CP: variants seen among roughly 807,000 people sequenced by gnomAD.
The protein encoded by CP is caeruloplasmin.
In CP, 64 loss-of-function variants were observed where a neutral mutation model predicts 122.4. The observed-to-expected ratio is 0.52, with a 90% CI of 0.43 to 0.64. The LOEUF (loss-of-function observed/expected upper bound fraction) is 0.64, where lower values mean the gene tolerates loss of function less well. Ranked by LOEUF, CP falls within the 30% of genes least tolerant of loss-of-function variation. The pLI is 0.00. For missense variants in CP, 1,167 were observed against 1,284.4 expected, an observed-to-expected ratio of 0.91 and a Z score of 1.40; for synonymous variants, 440 against 436.4, an observed-to-expected ratio of 1.01 and a Z score of -0.10.
chr3:149,173,874 A>T, intron 18 of CP, 144 bp from the exon 19 acceptor site: 2 of 481,010 alleles, frequency 4.2e-6, no homozygotes, highest in Non-Finnish European at 3.8e-6. Context: ...ATGTTTAAAA[A>T]TCTCTCATTC....
chr3:149,199,221 A>T (rs2108270866), intron 8 of CP, among the ~76,000 whole-genome samples: 1 of 152,328 alleles, frequency 6.6e-6, no homozygotes, highest in Middle Eastern at 3.4e-3. Flanking sequence ...AACTCCGATT[A>T]TGAAATTAAA....
rs529893564 is a variant in CP at position 149,215,884 on chromosome 3, A to G, written c.147-3186T>C. On this transcript the variant is annotated intron_variant, in intron 1 of 18. Coordinates refer to ENST00000264613, the MANE Select transcript of CP (RefSeq NM_000096.4). ...TCACATTCTCTCTTTTTAGCCCCTT[A>G]TTTAAAAAAAGAAAAGCCCGCTCCT... 6.6e-5 allele frequency among the ~76,000 whole-genome samples: 10 copies of G among 152,262 alleles called. No homozygotes were observed. The South Asian group carries it at 2.1e-3, about 32-fold the overall frequency.
Position 149,210,152 on chromosome 3 carries a change from AAGG to A in CP, c.607+12_607+14del. 6.2e-7 allele frequency: 1 copy of A among 1,612,692 alleles called. No homozygotes were observed. Among genetic ancestry groups the A allele is most frequent in the Non-Finnish European group, 8.5e-7 (1 of 1,178,804 alleles). ...CTTTTGGTCATATAGCATGTGCAAT[AAGG>A]AGAAGATGTACCTTTTTTACAGATT... On this transcript the variant is annotated intron_variant, in intron 3 of 18. Coordinates refer to ENST00000264613, the MANE Select transcript of CP (RefSeq NM_000096.4).
chr3:149,211,456 C>T (rs1322875405), intron 2 of CP, among the ~76,000 whole-genome samples: 1 of 152,208 alleles, frequency 6.6e-6, no homozygotes, highest in East Asian at 1.9e-4. Context: ...AAAGCCCTTG[C>T]TTTTCATCAC....
chr3:149,221,458 A>G (rs1239255953), intron 1 of CP, among the ~76,000 whole-genome samples, 189 bp downstream of exon 1: 1 of 152,204 alleles, frequency 6.6e-6, no homozygotes, highest in African/African-American at 2.4e-5. Flanking sequence ...ACAGGAAAGA[A>G]GCAGGGTAGT....
intron 9 of CP, among the ~76,000 whole-genome samples, chr3:149,194,745 C>T (rs1726784545): frequency 6.6e-6 from 1 of 152,188 alleles, no homozygotes; most frequent in South Asian, 2.1e-4. Context: ...TGTCTGTACT[C>T]CCTACTTTAA....
chr3:149,198,193 GTTA>G (rs1017250683), intron 9 of CP, among the ~76,000 whole-genome samples, 171 bp downstream of exon 9: 6 of 152,252 alleles, frequency 3.9e-5, no homozygotes, highest in African/African-American at 7.2e-5. Context: ...TATGATGTGT[GTTA>G]TTATTATTTT....
rs777315790 is a variant in CP, at chr3:149,177,815, A to T, written c.3018+25T>A. 7 of 1,610,388 alleles carry T rather than the reference A, an allele frequency of 4.3e-6. No homozygotes were observed. The East Asian group carries it at 1.6e-4, about 36-fold the overall frequency. On this transcript the variant is annotated intron_variant, in intron 17 of 18. Transcript: ENST00000264613. ...TTAAAACATTTTCAAACAGAGCAAG[A>T]GTAATTGCCATGGATAGCTCTTACC...
At chr3:149,188,939 T>C (rs776882819) in intron 9 of CP, among the ~76,000 whole-genome samples, 12 of 152,104 alleles carry the variant, frequency 7.9e-5, no homozygotes, top group Non-Finnish European at 1.6e-4. Flanking sequence ...ATTATCAAAT[T>C]GAAAAAAATC....
chr3:149,181,974 GCACCACCC>G, intron 14 of CP, 23 bp downstream of exon 14: 6 of 1,356,686 alleles, frequency 4.4e-6, no homozygotes, highest in Non-Finnish European at 6.3e-6. Flanking sequence ...CTGTTAAAAT[GCACCACCC>G]CCACCCCCGC....
chr3:149,216,308 G>A (rs2108310672), intron 1 of CP, among the ~76,000 whole-genome samples: 1 of 152,280 alleles, frequency 6.6e-6, no homozygotes, highest in East Asian at 1.9e-4. Flanking sequence ...GGAGAAATCT[G>A]CCTAGCTCAT....
chr3:149,203,370 T>G (rs184005097), intron 6 of CP, among the ~76,000 whole-genome samples: 1 of 152,150 alleles, frequency 6.6e-6, no homozygotes, highest in African/African-American at 2.4e-5. Flanking sequence ...TTCAAGTGAT[T>G]CTCATACCTC....
chr3:149,216,423 G>GT (rs1239190566), intron 1 of CP, among the ~76,000 whole-genome samples: 2 of 152,052 alleles, frequency 1.3e-5, no homozygotes, highest in Non-Finnish European at 2.9e-5. Context: ...AAGGTCACCC[G>GT]TATGCCCTCC....
chr3:149,166,893 C>A, intron 4 of CP: 1 of 694,084 alleles, frequency 1.4e-6, no homozygotes. Flanking sequence ...AAATAAGGAC[C>A]ACGTGCATGT....
At chr3:149,201,683 C>T (rs1160123269) in intron 7 of CP, among the ~76,000 whole-genome samples, 6 of 152,066 alleles carry the variant, frequency 3.9e-5, no homozygotes, top group East Asian at 1.9e-4. Context: ...CTCCGCCTCC[C>T]GGGTTCAAGC....
At chr3:149,185,577 C>T (rs901838010) in intron 11 of CP, 131 bp from the exon 12 acceptor site, 14 of 793,296 alleles carry the variant, frequency 1.8e-5, no homozygotes, top group Non-Finnish European at 2.4e-5. Context: ...CTTCTGCTCA[C>T]CCTGCTCCAT....
At chr3:149,169,536 G>T (rs567324549), downstream of CP, among the ~76,000 whole-genome samples, 1 of 152,194 alleles carries the variant, frequency 6.6e-6, no homozygotes, top group East Asian at 1.9e-4. Flanking sequence ...GTAATTGTCC[G>T]TGTGCGTGGG....
At chr3:149,188,340 G>T (rs1476085947) in intron 9 of CP, 138 bp from the exon 10 acceptor site, 2 of 705,500 alleles carry the variant, frequency 2.8e-6, no homozygotes, top group Non-Finnish European at 4.6e-6. Context: ...GTAAACTAGG[G>T]TTCCTGAAAT....
At chr3:149,187,953 T>A (rs1726280743) in intron 10 of CP, 99 bp downstream of exon 10, 1 of 1,303,596 alleles carries the variant, frequency 7.7e-7, no homozygotes, top group Non-Finnish European at 1.1e-6. Flanking sequence ...ATTGAAAAAA[T>A]AATCAATGAG....
Sources: gnomAD v4.1 joint callset for allele counts (sites outside exome capture counted in the v4.1 genomes callset) on GRCh38, gnomAD v4.1.1 for gene constraint, MANE v1.5 for transcripts, NCBI Gene and HGNC (gene_info 2026-07-23, HGNC 2026-07-21) for gene names.